The following PRKD1 variants were observed in gnomAD, a reference collection of about 807,000 sequenced individuals.
PRKD1 encodes the protein protein kinase D1, also known as serine/threonine-protein kinase D1.
A neutral mutation model predicts 95.9 loss-of-function variants in PRKD1; 63 were observed. That is an observed-to-expected ratio of 0.66 (90% confidence interval 0.54 to 0.81). The LOEUF (loss-of-function observed/expected upper bound fraction) is 0.81. PRKD1 is among the 30% of genes least tolerant of loss of function. PRKD1 has a pLI of 0.00. For synonymous variants in PRKD1, 425 were observed against 423.1 expected (o/e 1.00, Z -0.05); for missense variants, 1,048 against 1,165.3 (o/e 0.90, Z 1.47).
intron 1 of PRKD1, among the ~76,000 whole-genome samples, chr14:29,728,963 G>C (rs1886304372): frequency 6.6e-6 from 1 of 152,022 alleles, no homozygotes; most frequent in Non-Finnish European, 1.5e-5. Flanking sequence ...TTTGGATATA[G>C]GACCATTGAA....
intron 1 of PRKD1, among the ~76,000 whole-genome samples, chr14:29,868,381 T>C (rs1186168831): frequency 1.3e-5 from 2 of 152,330 alleles, no homozygotes; most frequent in Admixed American, 6.5e-5. Context: ...AAGATGTCTC[T>C]TCTGAAATCA....
chr14:29,719,383 A>G (rs1354965683), intron 2 of PRKD1, among the ~76,000 whole-genome samples: 1 of 152,212 alleles, frequency 6.6e-6, no homozygotes, highest in Non-Finnish European at 1.5e-5. Context: ...TCTATGACAA[A>G]CATCATCTCA....
rs763723919 is a variant in PRKD1, at chr14:29,634,474, T to A, written c.1258A>T (p.Ser420Cys). The change falls in exon 8 of 18, where the codon AGC becomes TGC. Residue 420 changes from serine to cysteine, a missense_variant. Coordinates refer to ENST00000331968, the MANE Select transcript of PRKD1 (RefSeq NM_002742.3). ...VQSVKHTKRKSSTVMKEGWMV... is the reference protein window; with the variant it reads ...VQSVKHTKRKCSTVMKEGWMV... Reference sequence around the variant, plus strand: ...CATCCTTCTTTCATGACTGTGCTGCTTTTCCTCTTCGTGTGTTTGACAGAC... The same window carrying A: ...CATCCTTCTTTCATGACTGTGCTGCATTTCCTCTTCGTGTGTTTGACAGAC... The A allele has an allele frequency of 6.2e-7, 1 of 1,614,098 alleles. No individual in the cohort carries two copies. Among genetic ancestry groups the A allele is most frequent in the Non-Finnish European group, 8.5e-7 (1 of 1,179,968 alleles).
At chr14:29,703,077 A>AT (rs1008935416) in intron 2 of PRKD1, among the ~76,000 whole-genome samples, 17 of 151,740 alleles carry the variant, frequency 1.1e-4, no homozygotes, top group South Asian at 2.1e-4. Flanking sequence ...CAAATCTGTG[A>AT]TTTTTTTTCC....
At chr14:29,600,145 T>C (rs1168571826) in intron 13 of PRKD1, among the ~76,000 whole-genome samples, 1 of 152,176 alleles carries the variant, frequency 6.6e-6, no homozygotes. Context: ...ATATTAAACA[T>C]ATTGTCCTAA....
intron 16 of PRKD1, among the ~76,000 whole-genome samples, chr14:29,584,019 C>G (rs1892833475): frequency 6.6e-6 from 1 of 152,096 alleles, no homozygotes; most frequent in Non-Finnish European, 1.5e-5. Context: ...GGACTTTCAG[C>G]AGCTATTAGG....
At chr14:29,920,003 AGGAAGGAAGGAG>A (rs1473401271) in intron 1 of PRKD1, among the ~76,000 whole-genome samples, 1 of 136,722 alleles carries the variant, frequency 7.3e-6, no homozygotes, top group African/African-American at 2.8e-5. Context: ...GAAGGAAGGT[AGGAAGGAAGGAG>A]GGAAGGAAGG....
chr14:29,705,277 T>A lies in PRKD1; in HGVS notation c.403+20259A>T, dbSNP rs1885027182. Among the ~76,000 whole-genome samples the A allele has an allele frequency of 3.9e-5, 6 of 152,196 alleles. No individual in the cohort carries two copies. In the South Asian group the frequency reaches 1.2e-3, roughly 32 times the overall value. ...GAACTTAAGCAATTAAAATTATGAA[T>A]GACCTCCATGTTATTTTAACATACT... On this transcript the variant is annotated intron_variant, in intron 2 of 17. Transcript: ENST00000331968.
chr14:29,754,438 G>A (rs540233454), intron 1 of PRKD1, among the ~76,000 whole-genome samples: 2 of 152,098 alleles, frequency 1.3e-5, no homozygotes, highest in Non-Finnish European at 2.9e-5. Flanking sequence ...TCTCCTAAAT[G>A]GTCTTTGATT....
chr14:29,869,735 T>C (rs939142790), intron 1 of PRKD1, among the ~76,000 whole-genome samples: 15 of 152,232 alleles, frequency 9.9e-5, no homozygotes, highest in African/African-American at 3.6e-4. Context: ...ATTATATTTA[T>C]TCTCAAGTCT....
At chr14:29,636,554 G>C (rs1367278109) in intron 6 of PRKD1, 60 bp from the exon 7 acceptor site, 1 of 1,543,866 alleles carries the variant, frequency 6.5e-7, no homozygotes, top group Admixed American at 1.7e-5. Flanking sequence ...GGGCTTAAGA[G>C]ACAGTCAGGT....
intron 1 of PRKD1, among the ~76,000 whole-genome samples, chr14:29,825,849 T>G (rs1891087321): frequency 6.6e-6 from 1 of 152,044 alleles, no homozygotes; most frequent in South Asian, 2.1e-4. Context: ...AGCCCCTGCT[T>G]TCCATTGTTT....
chr14:29,620,016 G>A (rs7148887), intron 13 of PRKD1, among the ~76,000 whole-genome samples: 64,861 of 151,294 alleles, frequency 0.43, 14,360 homozygotes, highest in African/African-American at 0.53. Context: ...CAGAAATGAC[G>A]CCGCATATCT....
At chr14:29,872,317 T>A (rs1215423604) in intron 1 of PRKD1, among the ~76,000 whole-genome samples, 1 of 152,174 alleles carries the variant, frequency 6.6e-6, no homozygotes. Flanking sequence ...CATTCTTAAA[T>A]AATTACTAGA....
chr14:29,884,896 G>C (rs570514567), intron 1 of PRKD1, among the ~76,000 whole-genome samples: 1 of 152,154 alleles, frequency 6.6e-6, no homozygotes, highest in Non-Finnish European at 1.5e-5. Context: ...GCCGAAGCGG[G>C]TGGATCACGA....
intron 1 of PRKD1, among the ~76,000 whole-genome samples, chr14:29,905,454 A>G (rs937022469): frequency 1.3e-5 from 2 of 152,068 alleles, no homozygotes; most frequent in Non-Finnish European, 2.9e-5. Context: ...TATATACTTG[A>G]TAACTTTAAA....
rs545049685 is a variant in PRKD1, at chr14:29,772,422, G to T, written c.265-46748C>A. Among the ~76,000 whole-genome samples the T allele has an allele frequency of 2.6e-5, 4 of 152,264 alleles. No homozygotes were observed. The South Asian group carries it at 8.3e-4, about 32-fold the overall frequency. On this transcript the variant is annotated intron_variant, in intron 1 of 17. Transcript: ENST00000331968. ...CTCACTCAATTCCGAATCTGCTGGT[G>T]CTTTCATCTTGGACTTGTGAGCAAT...
chr14:29,588,890 T>C (rs1176379108), intron 16 of PRKD1, among the ~76,000 whole-genome samples: 1 of 151,630 alleles, frequency 6.6e-6, no homozygotes, highest in African/African-American at 2.4e-5. Context: ...GAATACCGAC[T>C]AACCATGTGA....
At chr14:29,701,768 C>T (rs958447456) in intron 2 of PRKD1, among the ~76,000 whole-genome samples, 1 of 152,036 alleles carries the variant, frequency 6.6e-6, no homozygotes, top group African/African-American at 2.4e-5. Flanking sequence ...TTTGCTCAGT[C>T]GGTGATCCTT....
Sources: gnomAD v4.1 joint callset for allele counts (sites outside exome capture counted in the v4.1 genomes callset) on GRCh38, gnomAD v4.1.1 for gene constraint, MANE v1.5 for transcripts, NCBI Gene and HGNC (gene_info 2026-07-23, HGNC 2026-07-21) for gene names.